Variants in MACF1 observed in about 807,000 individuals in gnomAD.
The protein encoded by MACF1 is microtubule actin crosslinking factor 1, also known as microtubule-actin cross-linking factor 1.
Under a neutral mutation model 854.8 loss-of-function variants are expected in MACF1, and 193 were observed. That is an observed-to-expected ratio of 0.23 (90% confidence interval 0.20 to 0.25). The LOEUF (loss-of-function observed/expected upper bound fraction) is 0.25, where lower values mean the gene tolerates loss of function less well. MACF1 is among the 10% of genes least tolerant of loss of function. The probability of loss-of-function intolerance (pLI) is 1.00; values close to 1 mark genes in which losing one functional copy is unlikely to be tolerated. For missense variants in MACF1, 7,722 were observed against 8,929.1 expected (o/e 0.86, Z 5.45); for synonymous variants, 3,185 against 3,226.7 (o/e 0.99, Z 0.44).
At chr1:39,440,511 G>T (rs1329813547) in intron 72 of MACF1, among the ~76,000 whole-genome samples, 1 of 151,948 alleles carries the variant, frequency 6.6e-6, no homozygotes, top group East Asian at 1.9e-4. Flanking sequence ...TTTTATTTCA[G>T]CTATTTTTTC....
intron 2 of MACF1, among the ~76,000 whole-genome samples, chr1:39,167,300 G>C (rs1263381274): frequency 6.6e-6 from 1 of 151,940 alleles, no homozygotes; most frequent in African/African-American, 2.4e-5. Context: ...TTTGGGCTGG[G>C]TGTGGTGGCT....
chr1:39,474,415 G>T (rs570558265), intron 97 of MACF1, among the ~76,000 whole-genome samples: 1 of 151,624 alleles, frequency 6.6e-6, no homozygotes, highest in Non-Finnish European at 1.5e-5. Context: ...TAAATATATG[G>T]CCAGGCACAG....
At chr1:39,255,775 G>C (rs1645090387) in intron 5 of MACF1, among the ~76,000 whole-genome samples, 1 of 152,240 alleles carries the variant, frequency 6.6e-6, no homozygotes. Flanking sequence ...GGTTGCTGAA[G>C]TGTTTAGGGT....
chr1:39,381,356 CT>C (rs869060742), intron 55 of MACF1, among the ~76,000 whole-genome samples: 202 of 36,804 alleles, frequency 5.5e-3, no homozygotes, highest in African/African-American at 0.017. Flanking sequence ...CATGCCTGGC[CT>C]TTTTTTTTTT....
At chr1:39,367,683 A>G (rs2148531067) in intron 49 of MACF1, among the ~76,000 whole-genome samples, 1 of 152,346 alleles carries the variant, frequency 6.6e-6, no homozygotes, top group East Asian at 1.9e-4. Context: ...ACGTCCTGTC[A>G]TGGTACCTCC....
chr1:39,367,706 C>T (rs865823862), intron 49 of MACF1, among the ~76,000 whole-genome samples: 1 of 152,150 alleles, frequency 6.6e-6, no homozygotes, highest in Non-Finnish European at 1.5e-5. Flanking sequence ...AGTCTTTGAA[C>T]GTTTGTTTAG....
intron 6 of MACF1, among the ~76,000 whole-genome samples, chr1:39,263,284 G>T (rs1432560416): frequency 2.0e-5 from 3 of 152,148 alleles, no homozygotes; most frequent in African/African-American, 7.2e-5. Flanking sequence ...GCTGGATCCA[G>T]ATTAAAGATT....
intron 2 of MACF1, among the ~76,000 whole-genome samples, chr1:39,128,049 C>G (rs1642905529): frequency 6.6e-6 from 1 of 152,092 alleles, no homozygotes; most frequent in Non-Finnish European, 1.5e-5. Flanking sequence ...AACCACTGTT[C>G]AAGCTTTGGT....
chr1:39,429,168 T>A, intron 63 of MACF1, 74 bp from the exon 64 acceptor site: 1 of 735,190 alleles, frequency 1.4e-6, no homozygotes, highest in Non-Finnish European at 2.4e-6. Context: ...TTAAATTTGA[T>A]CTCTTAAAGG....
intron 58 of MACF1, among the ~76,000 whole-genome samples, chr1:39,394,481 G>T (rs892777650): frequency 6.6e-6 from 1 of 152,088 alleles, no homozygotes; most frequent in Non-Finnish European, 1.5e-5. Context: ...AATTAGCTGG[G>T]CATGGTGGCA....
chr1:39,353,126 G>T lies in MACF1; in HGVS notation c.11319G>T (p.Gln3773His). 1 of 1,614,190 alleles carries T rather than the reference G, an allele frequency of 6.2e-7. No individual in the cohort carries two copies. Among genetic ancestry groups the T allele is most frequent in the African/African-American group, 1.3e-5 (1 of 75,068 alleles). Residue 3773 changes from glutamine (Q) to histidine (H), a missense_variant, in exon 44 of 101, where the codon CAG (glutamine) becomes CAT (histidine). Physicochemically the swap from Gln to His is conservative, Grantham distance 24. This residue lies in a region of MACF1 where 2,807 missense variants were observed against 3,235.8 expected (regional missense o/e 0.87). Coordinates refer to ENST00000564288, the MANE Select transcript of MACF1 (RefSeq NM_001394062.1). Reference protein sequence around the residue: ...QLLTNLPGMEQLSGASLEKGA... With the variant: ...QLLTNLPGMEHLSGASLEKGA... ...TGACCAACCTTCCAGGAATGGAGCA[G>T]CTCTCGGGAGCTAGCTTGGAGAAAG...
chr1:39,287,576 C>CA lies in MACF1; in HGVS notation c.1785+18dup, dbSNP rs1645668791. 5 of 1,613,896 alleles carry CA rather than the reference C, an allele frequency of 3.1e-6. No homozygotes were observed. The East Asian group carries it at 1.1e-4, about 36-fold the overall frequency. On this transcript the variant is annotated intron_variant, in intron 15 of 100. Transcript: ENST00000564288. Reference sequence around the variant, plus strand: ...GAAGAGATGCAGGTGGGTGCATATCCAAAAGCTTATGCAGTACACTGATGT... The same window carrying CA: ...GAAGAGATGCAGGTGGGTGCATATCCAAAAAGCTTATGCAGTACACTGATGT...
intron 38 of MACF1, among the ~76,000 whole-genome samples, chr1:39,338,259 TG>T (rs1451011061): frequency 0.033 from 626 of 18,908 alleles, 3 homozygotes; most frequent in African/African-American, 0.042. Context: ...TTTTTTGGGT[TG>T]TTTTTTTTTT....
At chr1:39,146,761 C>T (rs949202351) in intron 2 of MACF1, among the ~76,000 whole-genome samples, 1 of 151,936 alleles carries the variant, frequency 6.6e-6, no homozygotes, top group African/African-American at 2.4e-5. Context: ...AATAAAAAGA[C>T]TAAATAAAAC....
chr1:39,258,277 C>G (rs1461324487), intron 6 of MACF1, among the ~76,000 whole-genome samples: 3 of 152,128 alleles, frequency 2.0e-5, no homozygotes, highest in African/African-American at 7.2e-5. Context: ...TTGGCCCTGT[C>G]CTCAGCAGTC....
chr1:39,161,094 G>C (rs1338269033), intron 2 of MACF1, among the ~76,000 whole-genome samples: 2 of 152,114 alleles, frequency 1.3e-5, no homozygotes, highest in Non-Finnish European at 2.9e-5. Flanking sequence ...ATCCAGAATT[G>C]GGGTGCAATA....
chr1:39,363,338 TCC>T, intron 49 of MACF1, among the ~76,000 whole-genome samples: 1 of 152,294 alleles, frequency 6.6e-6, no homozygotes, highest in Middle Eastern at 3.4e-3. Flanking sequence ...GTCTCTTCCA[TCC>T]CATTTTCACC....
At chr1:39,432,000 A>T (rs1301428152) in intron 66 of MACF1, among the ~76,000 whole-genome samples, 1 of 152,130 alleles carries the variant, frequency 6.6e-6, no homozygotes, top group Non-Finnish European at 1.5e-5. Context: ...AGGATGGAGG[A>T]TTGGGGAGCC....
intron 51 of MACF1, among the ~76,000 whole-genome samples, chr1:39,371,718 T>G (rs1649259495): frequency 6.6e-6 from 1 of 152,150 alleles, no homozygotes; most frequent in South Asian, 2.1e-4. Flanking sequence ...TATCTCAATA[T>G]CTAGCTCCTT....
Sources: gnomAD v4.1 joint callset for allele counts (sites outside exome capture counted in the v4.1 genomes callset) on GRCh38, gnomAD v4.1.1 for gene constraint, gnomAD v4.1.1 regional missense constraint, MANE v1.5 for transcripts, NCBI Gene and HGNC (gene_info 2026-07-23, HGNC 2026-07-21) for gene names.